The following NRG4 variants were observed in gnomAD, a reference collection of about 807,000 sequenced individuals.
The protein encoded by NRG4 is pro-neuregulin-4, membrane-bound isoform.
NRG4 carries 10 observed loss-of-function variants against 15.0 expected under a neutral mutation model. The observed-to-expected ratio is 0.67, with a 90% CI of 0.41 to 1.13. The LOEUF is 1.13. Ranked by LOEUF, NRG4 falls within the 50% of genes most tolerant of loss-of-function variation. The pLI, the probability that NRG4 is intolerant of heterozygous loss-of-function variation, is 0.00. For missense variants in NRG4, 139 were observed against 140.2 expected, an observed-to-expected ratio of 0.99 and a Z score of 0.04; for synonymous variants, 41 against 50.1, an observed-to-expected ratio of 0.82 and a Z score of 0.77.
chr15:76,055,208 C>T (rs986201004), intron 2 of NRG4, among the ~76,000 whole-genome samples: 15 of 152,066 alleles, frequency 9.9e-5, no homozygotes, highest in Admixed American at 1.3e-4. Context: ...GCTTGAACGG[C>T]GGAGGCGGAG....
intron 5 of NRG4, among the ~76,000 whole-genome samples, chr15:76,020,824 A>G (rs1402406871): frequency 6.6e-6 from 1 of 152,240 alleles, no homozygotes; most frequent in African/African-American, 2.4e-5. Flanking sequence ...AAGCTAGCAG[A>G]GGTTGGTTCA....
intron 3 of NRG4, among the ~76,000 whole-genome samples, chr15:75,976,467 C>T (rs2033370614): frequency 1.3e-5 from 2 of 152,134 alleles, no homozygotes; most frequent in South Asian, 4.1e-4. Context: ...TCCTCATCTT[C>T]GTGGATTTAT....
chr15:75,988,634 T>C (rs2033890062), intron 3 of NRG4, among the ~76,000 whole-genome samples: 1 of 152,162 alleles, frequency 6.6e-6, no homozygotes, highest in South Asian at 2.1e-4. Context: ...ATATTCTACA[T>C]GTCACACTGG....
chr15:75,997,181 C>T (rs916138879), intron 3 of NRG4, among the ~76,000 whole-genome samples: 2 of 151,812 alleles, frequency 1.3e-5, no homozygotes, highest in South Asian at 2.1e-4. Context: ...TTACAAATAA[C>T]TTTTTACGAG....
rs531529187 is a variant in NRG4 at position 76,024,590 on chromosome 15, G to T, written c.-57+11354C>A. ...CCTCAGACTGGCTGAGCAACCAGGT[G>T]CCTGTGCCACCAGCCAGAGTAACAA... is the stretch of plus-strand genomic sequence containing the variant. On this transcript the variant is annotated intron_variant, in intron 5 of 8. Coordinates refer to the NRG4 transcript ENST00000563910. 4.6e-5 allele frequency among the ~76,000 whole-genome samples: 7 copies of T among 152,288 alleles called. No individual in the cohort carries two copies. In the South Asian group the frequency reaches 1.5e-3, roughly 32 times the overall value.
chr15:76,001,135 G>A (rs763358463), intron 3 of NRG4, among the ~76,000 whole-genome samples: 3 of 151,748 alleles, frequency 2.0e-5, no homozygotes, highest in African/African-American at 7.3e-5. Flanking sequence ...GTCAGCACAC[G>A]CCACCACACC....
chr15:75,960,678 C>T (rs368329062), intron 4 of NRG4, among the ~76,000 whole-genome samples: 4 of 152,104 alleles, frequency 2.6e-5, no homozygotes, highest in Non-Finnish European at 2.9e-5. Flanking sequence ...AAGGCAGTCA[C>T]GGTGCCTGCC....
chr15:76,023,306 A>G (rs1482376122), intron 5 of NRG4, among the ~76,000 whole-genome samples: 1 of 91,948 alleles, frequency 1.1e-5, no homozygotes, highest in African/African-American at 2.9e-5. Context: ...GAAGGTACCT[A>G]CAGTGATTGG....
At chr15:75,992,662 C>A (rs1183377570) in intron 3 of NRG4, among the ~76,000 whole-genome samples, 1 of 152,104 alleles carries the variant, frequency 6.6e-6, no homozygotes, top group African/African-American at 2.4e-5. Context: ...CCATTCCCCA[C>A]CCCACCACTA....
chr15:76,035,011 T>C (rs74024071), intron 5 of NRG4, among the ~76,000 whole-genome samples: 1 of 152,196 alleles, frequency 6.6e-6, no homozygotes, highest in Non-Finnish European at 1.5e-5. Flanking sequence ...AGCCTGCCAT[T>C]GAACGGCAGG....
At chr15:76,000,098 G>A (rs955614740) in intron 3 of NRG4, among the ~76,000 whole-genome samples, 1 of 152,094 alleles carries the variant, frequency 6.6e-6, no homozygotes, top group Non-Finnish European at 1.5e-5. Flanking sequence ...TGGCCAGGCT[G>A]GTCTGGAACT....
At position 75,976,191 on chromosome 15, in the gene NRG4, A is replaced by C. The variant is rs141692508; in HGVS notation, c.105-14217T>G. Among the ~76,000 whole-genome samples, 330 of 152,192 alleles carry C rather than the reference A, an allele frequency of 2.2e-3. 4 individuals are homozygous for C. Among genetic ancestry groups the C allele is most frequent in the African/African-American group, 7.7e-3 (318 of 41,510 alleles). On this transcript the variant is annotated intron_variant, in intron 3 of 5. Transcript: ENST00000394907. Reference sequence around the variant, plus strand: ...CTATGTTTTTCAGCTCCATCAGGTCACTTATGTTCTTCTCTACACTGGTTC... The same window carrying C: ...CTATGTTTTTCAGCTCCATCAGGTCCCTTATGTTCTTCTCTACACTGGTTC...
chr15:75,985,120 C>T (rs998254478), intron 3 of NRG4, among the ~76,000 whole-genome samples: 2 of 152,070 alleles, frequency 1.3e-5, no homozygotes, highest in African/African-American at 4.8e-5. Flanking sequence ...GCTGGGATTA[C>T]CGGCATGAGC....
rs563937618 is a variant in NRG4 at position 75,942,926 on chromosome 15, T to C, written c.*712A>G. On this transcript the variant is annotated 3_prime_UTR_variant, in exon 6 of 6. Transcript: ENST00000394907. ...AAGATAGAAACTGCATTCTGAAAAA[T>C]CATGCACTAAAAATTACAAGGGAAA... 1 of 152,284 alleles carries C rather than the reference T, an allele frequency of 6.6e-6. No individual in the cohort carries two copies. Among genetic ancestry groups the C allele is most frequent in the East Asian group, 1.9e-4 (1 of 5,186 alleles). The allele number at this position is 152,284 out of a possible 1,614,324, so 9.4% of individuals were successfully genotyped here.
rs1167758499 is a variant in NRG4, at chr15:76,046,200, G to A, written c.-105+5867C>T. 1.3e-5 allele frequency among the ~76,000 whole-genome samples: 2 copies of A among 151,014 alleles called. 1 individual carries two copies. Among genetic ancestry groups the A allele is most frequent in the Non-Finnish European group, 2.9e-5 (2 of 67,904 alleles). On this transcript the variant is annotated intron_variant, in intron 4 of 8. Transcript: ENST00000563910. ...CATGAAACTGATGAAAGAAATTGAAGAGGACACGCACAAAAAAGGAAAGAT... is the reference window on the plus strand; with the variant it reads ...CATGAAACTGATGAAAGAAATTGAAAAGGACACGCACAAAAAAGGAAAGAT...
intron 5 of NRG4, among the ~76,000 whole-genome samples, chr15:76,024,329 T>C (rs1427557676): frequency 6.6e-6 from 1 of 152,110 alleles, no homozygotes; most frequent in East Asian, 1.9e-4. Context: ...CTACCAGACA[T>C]GCACCCAGGC....
Position 75,943,574 on chromosome 15 carries a change from A to G in NRG4, c.*64T>C, listed in dbSNP as rs372943234. The G allele has an allele frequency of 2.1e-6, 2 of 932,242 alleles. No individual in the cohort carries two copies. Among genetic ancestry groups the G allele is most frequent in the African/African-American group, 3.3e-5 (2 of 60,980 alleles). The allele number at this position is 932,242 out of a possible 1,614,324, so 57.7% of individuals were successfully genotyped here. On this transcript the variant is annotated 3_prime_UTR_variant, in exon 6 of 6. Coordinates refer to ENST00000394907, the MANE Select transcript of NRG4 (RefSeq NM_138573.4). ...GATTAGATTTTTAATTCTTTTACCT[A>G]GTGGTGTTTCATTTTCTGCCTTTGT...
intron 3 of NRG4, among the ~76,000 whole-genome samples, chr15:75,978,098 T>C (rs2033447074): frequency 6.6e-6 from 1 of 152,288 alleles, no homozygotes; most frequent in African/African-American, 2.4e-5. Context: ...ATTACAGGCA[T>C]GAGCTACCGT....
intron 3 of NRG4, among the ~76,000 whole-genome samples, chr15:76,006,344 T>C (rs1006964753): frequency 6.6e-6 from 1 of 152,214 alleles, no homozygotes; most frequent in African/African-American, 2.4e-5. Flanking sequence ...CTCTTAGCTA[T>C]TGCTATTACA....
Sources: allele counts gnomAD v4.1 joint callset (sites outside exome capture counted in the v4.1 genomes callset), GRCh38; gene constraint gnomAD v4.1.1; transcripts MANE v1.5; gene names NCBI Gene and HGNC (gene_info 2026-07-23, HGNC 2026-07-21).